ABCC12: variants seen among roughly 807,000 people sequenced by gnomAD.
ABCC12 encodes the protein ATP-binding cassette sub-family C member 12.
Under a neutral mutation model 151.1 loss-of-function variants are expected in ABCC12, and 142 were observed. The observed-to-expected ratio is 0.94, with a 90% CI of 0.82 to 1.08. ABCC12 has a LOEUF of 1.08. Ranked by LOEUF, ABCC12 falls within the 50% of genes least tolerant of loss-of-function variation. ABCC12 has a pLI of 0.00. For missense variants in ABCC12, 1,638 were observed against 1,691.1 expected, an observed-to-expected ratio of 0.97 and a Z score of 0.55; for synonymous variants, 645 against 646.4, an observed-to-expected ratio of 1.00 and a Z score of 0.03.
intron 8 of ABCC12, 95 bp downstream of exon 8, chr16:48,138,133 C>G (rs1022975429): frequency 7.2e-7 from 1 of 1,396,516 alleles, no homozygotes; most frequent in Non-Finnish European, 9.5e-7. Flanking sequence ...CCTCAGCCTC[C>G]TTCTGGAATG....
intron 18 of ABCC12, among the ~76,000 whole-genome samples, chr16:48,110,808 C>T (rs925766522): frequency 6.6e-6 from 1 of 152,242 alleles, no homozygotes; most frequent in African/African-American, 2.4e-5. Context: ...ATTACTCTTA[C>T]TGGTTTCCCA....
intron 8 of ABCC12, among the ~76,000 whole-genome samples, chr16:48,134,418 C>T (rs951822639): frequency 9.2e-5 from 14 of 152,146 alleles, no homozygotes; most frequent in African/African-American, 3.4e-4. Context: ...AAACAACAGC[C>T]AAGGAAGTTA....
chr16:48,133,846 G>A lies in ABCC12; in HGVS notation c.980-11C>T. 1 of 1,614,072 alleles carries A rather than the reference G, an allele frequency of 6.2e-7. No homozygotes were observed. On this transcript the variant is annotated splice_polypyrimidine_tract_variant and intron_variant, in intron 8 of 30. Transcript: ENST00000311303. ...CCCTCCTTCTTATATCTGCAAAATA[G>A]AACACAGTCCAAGGTGGTCTCATTT...
At chr16:48,093,943 G>C (rs999857737) in intron 24 of ABCC12, among the ~76,000 whole-genome samples, 6 of 152,174 alleles carry the variant, frequency 3.9e-5, no homozygotes, top group Admixed American at 3.9e-4. Flanking sequence ...GTGGAGTGCT[G>C]TCATTTTGAT....
intron 23 of ABCC12, among the ~76,000 whole-genome samples, chr16:48,097,993 C>T (rs1963162674): frequency 6.6e-6 from 1 of 152,030 alleles, no homozygotes; most frequent in Admixed American, 6.6e-5. Context: ...CTCCCCAGTT[C>T]CCCCACATGG....
chr16:48,119,193 C>T (rs911913097), intron 13 of ABCC12, among the ~76,000 whole-genome samples: 1 of 152,164 alleles, frequency 6.6e-6, no homozygotes, highest in African/African-American at 2.4e-5. Flanking sequence ...AATTCAAGTG[C>T]CATCTTCTCT....
In ABCC12 at chr16:48,084,038, G is replaced by A. The variant is rs780564797; in HGVS notation, c.3864C>T (p.Asp1288=). Residue 1288 remains aspartate, a synonymous_variant, in exon 30 of 31, where the codon GAC becomes GAT. Transcript: ENST00000311303. Reference sequence around the variant, plus strand: ...TCTGAACCAGGGTGTCAGTCTTGGAGTCCATAGAGGCGGTGGCTTCATCAA... The same window carrying A: ...TCTGAACCAGGGTGTCAGTCTTGGAATCCATAGAGGCGGTGGCTTCATCAA... ...ILLDEATASM[D]SKTDTLVQNT... The A allele has an allele frequency of 6.2e-7, 1 of 1,611,894 alleles. No homozygotes were observed. The highest frequency in any genetic ancestry group is 8.5e-7 in the Non-Finnish European group (1 of 1,179,554).
At chr16:48,105,553 C>T (rs746624332) in intron 20 of ABCC12, among the ~76,000 whole-genome samples, 43 of 152,178 alleles carry the variant, frequency 2.8e-4, no homozygotes, top group Non-Finnish European at 5.7e-4. Context: ...GGGCACCTGA[C>T]TTGTGAGCTC....
chr16:48,087,082 G>A (rs968715395), intron 27 of ABCC12: 70 of 387,744 alleles, frequency 1.8e-4, no homozygotes, highest in African/African-American at 1.3e-3. Context: ...AGGCAGCTCT[G>A]AGCAAGGTGC....
At chr16:48,140,279 G>C (rs1273464135) in intron 6 of ABCC12, among the ~76,000 whole-genome samples, 3 of 151,806 alleles carry the variant, frequency 2.0e-5, no homozygotes, top group Admixed American at 2.0e-4. Context: ...CAACTCTGAA[G>C]TCCAATAGGC....
At position 48,111,665 on chromosome 16, in the gene ABCC12, G is replaced by A. The variant is rs138816293; in HGVS notation, c.2125-3C>T. 3.0e-5 allele frequency: 49 copies of A among 1,614,086 alleles called. No homozygotes were observed. The East Asian group carries it at 9.1e-4, about 30-fold the overall frequency. On this transcript the variant is annotated splice_region_variant and splice_polypyrimidine_tract_variant and intron_variant, in intron 16 of 30. Coordinates refer to ENST00000311303, the MANE Select transcript of ABCC12 (RefSeq NM_001393797.1). Reference sequence around the variant, plus strand: ...GCATTGTAAAGGTGTTCAGGATCCTGGAGACAAAATGAAATTCCTTCTGAA... The same window carrying A: ...GCATTGTAAAGGTGTTCAGGATCCTAGAGACAAAATGAAATTCCTTCTGAA...
intron 11 of ABCC12, among the ~76,000 whole-genome samples, chr16:48,125,336 T>C (rs1567453500): frequency 2.0e-5 from 3 of 152,198 alleles, no homozygotes. Flanking sequence ...AGGTGGGGTA[T>C]TGATGCCCCA....
chr16:48,148,444 C>T (rs1474757357), intron 2 of ABCC12, among the ~76,000 whole-genome samples: 2 of 151,866 alleles, frequency 1.3e-5, no homozygotes, highest in South Asian at 2.1e-4. Context: ...GCCATGTTGC[C>T]CAGGCTGGTC....
intron 8 of ABCC12, among the ~76,000 whole-genome samples, chr16:48,135,817 GA>G (rs1964589948): frequency 6.6e-6 from 1 of 152,094 alleles, no homozygotes; most frequent in Non-Finnish European, 1.5e-5. Flanking sequence ...CCTAAGTCCA[GA>G]ACATGCCCAC....
intron 3 of ABCC12, among the ~76,000 whole-genome samples, chr16:48,145,216 A>G (rs988533051): frequency 2.0e-5 from 3 of 152,222 alleles, no homozygotes; most frequent in African/African-American, 4.8e-5. Context: ...CCAGACAGAG[A>G]TGCTGGGAGA....
intron 13 of ABCC12, among the ~76,000 whole-genome samples, chr16:48,120,706 C>A (rs934501199): frequency 6.6e-6 from 1 of 151,996 alleles, no homozygotes; most frequent in African/African-American, 2.4e-5. Context: ...CAGGTGCCCA[C>A]CACCACGCCC....
At position 48,128,696 on chromosome 16, in the gene ABCC12, T is replaced by C; in HGVS notation, c.1278A>G (p.Gln426=). Residue 426 remains glutamine (Q), a synonymous_variant, in exon 11 of 31, where the codon CAA becomes CAG. Coordinates refer to ENST00000311303, the MANE Select transcript of ABCC12 (RefSeq NM_001393797.1). The part of the protein sequence containing the change: ...IDKSPPSYIT[Q]PEDPDTVLLL... ...GCAAGACAGTATCTGGGTCTTCTGG[T>C]TGGGTGATGTAAGATGGGGGGCTTT... 4 of 1,614,118 alleles carry C rather than the reference T, an allele frequency of 2.5e-6. No homozygotes were observed. Among genetic ancestry groups the C allele is most frequent in the African/African-American group, 2.7e-5 (2 of 75,064 alleles).
intron 10 of ABCC12, among the ~76,000 whole-genome samples, chr16:48,129,647 T>C (rs1964356998): frequency 6.6e-6 from 1 of 152,158 alleles, no homozygotes; most frequent in African/African-American, 2.4e-5. Context: ...TACCAATATT[T>C]TGACAGCTCT....
intron 13 of ABCC12, among the ~76,000 whole-genome samples, chr16:48,118,036 C>T (rs1963947512): frequency 6.6e-6 from 1 of 152,180 alleles, no homozygotes; most frequent in South Asian, 2.1e-4. Flanking sequence ...AGCCCTGCAG[C>T]CCAGGCTTTG....
Sources: allele counts gnomAD v4.1 joint callset (sites outside exome capture counted in the v4.1 genomes callset), GRCh38; gene constraint gnomAD v4.1.1; transcripts MANE v1.5; gene names NCBI Gene and HGNC (gene_info 2026-07-23, HGNC 2026-07-21).